Variants in WWOX observed in about 807,000 individuals in gnomAD.
WWOX encodes the protein WW domain-containing oxidoreductase.
A neutral mutation model predicts 46.2 loss-of-function variants in WWOX; 69 were observed. The ratio of observed to expected loss-of-function variants is 1.49; its 90% CI spans 1.23 to 1.82. WWOX has a LOEUF of 1.82. Among genes scored for constraint, WWOX ranks in the 40% most tolerant of loss-of-function variants. WWOX has a pLI of 0.00. For synonymous variants in WWOX, 359 were observed against 202.6 expected (o/e 1.77, Z -6.56); for missense variants, 919 against 542.6 (o/e 1.69, Z -6.89).
At chr16:78,918,439 C>T (rs1429584252) in intron 8 of WWOX, among the ~76,000 whole-genome samples, 1 of 151,956 alleles carries the variant, frequency 6.6e-6, no homozygotes, top group Non-Finnish European at 1.5e-5. Context: ...TATTTTCTGG[C>T]AGGGCTGGAC....
Position 78,286,166 on chromosome 16 carries a change from G to A in WWOX, c.517-100694G>A, listed in dbSNP as rs549548673. On this transcript the variant is annotated intron_variant, in intron 5 of 8. Coordinates refer to ENST00000566780, the MANE Select transcript of WWOX (RefSeq NM_016373.4). The stretch of plus-strand genomic sequence containing the variant: ...ATTTTCATTCCCTTGTTTTGTAAAA[G>A]CTGTTGCAATAAATACTTTTTTCAC... Among the ~76,000 whole-genome samples the A allele has an allele frequency of 7.9e-5, 12 of 152,326 alleles. No homozygotes were observed. The South Asian group carries it at 2.5e-3, about 32-fold the overall frequency.
chr16:78,662,466 A>G (rs747815160), intron 8 of WWOX, among the ~76,000 whole-genome samples: 15 of 152,144 alleles, frequency 9.9e-5, no homozygotes, highest in Non-Finnish European at 1.6e-4. Context: ...ACTCAGTTCA[A>G]GAAAACCTCA....
chr16:78,334,837 C>G (rs1465722173), intron 5 of WWOX, among the ~76,000 whole-genome samples: 2 of 138,798 alleles, frequency 1.4e-5, no homozygotes, highest in Non-Finnish European at 3.0e-5. Flanking sequence ...CACACATACA[C>G]ACACACACAC....
chr16:79,019,874 C>G (rs185451644), intron 8 of WWOX, among the ~76,000 whole-genome samples: 1 of 152,150 alleles, frequency 6.6e-6, no homozygotes, highest in Non-Finnish European at 1.5e-5. Context: ...AGCAACCCCT[C>G]GGATCCTCAA....
intron 8 of WWOX, among the ~76,000 whole-genome samples, chr16:78,715,196 G>C (rs982100453): frequency 1.3e-5 from 2 of 152,196 alleles, no homozygotes; most frequent in African/African-American, 4.8e-5. Context: ...AGTGAGAAAA[G>C]AGTTCAGTTG....
At chr16:78,410,387 T>C (rs143940579) in intron 6 of WWOX, among the ~76,000 whole-genome samples, 1 of 152,134 alleles carries the variant, frequency 6.6e-6, no homozygotes, top group Non-Finnish European at 1.5e-5. Context: ...TCAGTGGCTG[T>C]GGGGGTTAGG....
intron 8 of WWOX, among the ~76,000 whole-genome samples, chr16:79,107,305 C>T (rs2049330643): frequency 1.3e-5 from 2 of 151,818 alleles, no homozygotes; most frequent in African/African-American, 2.4e-5. Context: ...CCAGGTTGGT[C>T]TTCAACTCCT....
At chr16:78,896,467 G>A (rs2044703017) in intron 8 of WWOX, 1 of 152,214 alleles carries the variant, frequency 6.6e-6, no homozygotes, top group South Asian at 2.1e-4. Flanking sequence ...TGAGGCCAGC[G>A]TTGCTTCCCC....
intron 8 of WWOX, among the ~76,000 whole-genome samples, chr16:78,668,384 G>A (rs1268761030): frequency 6.6e-6 from 1 of 152,116 alleles, no homozygotes; most frequent in Non-Finnish European, 1.5e-5. Flanking sequence ...GTACTTTGAG[G>A]GCAAGGACCA....
intron 8 of WWOX, among the ~76,000 whole-genome samples, chr16:79,124,786 G>C (rs2049715375): frequency 6.6e-6 from 1 of 152,132 alleles, no homozygotes; most frequent in African/African-American, 2.4e-5. Flanking sequence ...GTGCAATTTT[G>C]CAAGCTTTAT....
chr16:79,133,817 G>A (rs569249302), intron 8 of WWOX, among the ~76,000 whole-genome samples: 1 of 152,220 alleles, frequency 6.6e-6, no homozygotes, highest in Non-Finnish European at 1.5e-5. Flanking sequence ...GTAATGAAAT[G>A]ACATTGGTCA....
At chr16:78,926,599 G>A (rs1044293613) in intron 8 of WWOX, among the ~76,000 whole-genome samples, 2 of 152,156 alleles carry the variant, frequency 1.3e-5, no homozygotes, top group African/African-American at 4.8e-5. Context: ...TCTGTGATGC[G>A]GGAGTGGTTT....
intron 5 of WWOX, among the ~76,000 whole-genome samples, chr16:78,180,039 C>G (rs2035478934): frequency 6.6e-6 from 1 of 152,174 alleles, no homozygotes; most frequent in Admixed American, 6.5e-5. Context: ...TTGTGTTTTC[C>G]TAAGTACTGA....
At chr16:79,197,653 T>C (rs577099997) in intron 8 of WWOX, among the ~76,000 whole-genome samples, 2 of 152,332 alleles carry the variant, frequency 1.3e-5, no homozygotes, top group East Asian at 3.9e-4. Flanking sequence ...GCTTTTTTGA[T>C]CGCTTTAGAA....
intron 5 of WWOX, among the ~76,000 whole-genome samples, chr16:78,312,635 A>G (rs527334711): frequency 6.6e-6 from 1 of 152,314 alleles, no homozygotes; most frequent in East Asian, 1.9e-4. Flanking sequence ...TTGGCCTCCC[A>G]AAGTGCTGAG....
At chr16:78,159,429 T>C (rs1004115483) in intron 4 of WWOX, among the ~76,000 whole-genome samples, 17 of 152,146 alleles carry the variant, frequency 1.1e-4, no homozygotes, top group African/African-American at 2.9e-4. Context: ...TACATTCCAC[T>C]AAGGAATGTA....
At chr16:78,246,453 A>C (rs1479225603) in intron 5 of WWOX, among the ~76,000 whole-genome samples, 1 of 152,182 alleles carries the variant, frequency 6.6e-6, no homozygotes, top group Non-Finnish European at 1.5e-5. Context: ...AGAGGGGGGA[A>C]ACCTGTTGGT....
intron 8 of WWOX, among the ~76,000 whole-genome samples, chr16:78,504,039 G>A (rs572477595): frequency 6.6e-6 from 1 of 152,110 alleles, no homozygotes; most frequent in African/African-American, 2.4e-5. Flanking sequence ...AAAGATGTCA[G>A]TCAGGGGGAA....
intron 6 of WWOX, among the ~76,000 whole-genome samples, chr16:78,397,314 GCTATTTATCAT>G (rs1892149539): frequency 6.6e-6 from 1 of 152,140 alleles, no homozygotes; most frequent in African/African-American, 2.4e-5. Context: ...ATATTTATCA[GCTATTTATCAT>G]GTGTCATGTA....
Sources: gnomAD v4.1 joint callset for allele counts (sites outside exome capture counted in the v4.1 genomes callset) on GRCh38, gnomAD v4.1.1 for gene constraint, MANE v1.5 for transcripts, NCBI Gene and HGNC (gene_info 2026-07-23, HGNC 2026-07-21) for gene names.